The following GRIA2 variants were observed in gnomAD, a reference collection of about 807,000 sequenced individuals.
The protein encoded by GRIA2 is glutamate ionotropic receptor AMPA type subunit 2.
GRIA2 carries 14 observed loss-of-function variants against 97.3 expected under a neutral mutation model. The observed-to-expected ratio is 0.14, with a 90% CI of 0.10 to 0.23. The LOEUF is 0.23. Among genes scored for constraint, GRIA2 ranks in the 10% least tolerant of loss-of-function variants. GRIA2 has a pLI of 1.00. For missense variants in GRIA2, 558 were observed against 1,069.8 expected (o/e 0.52, Z 6.67); for synonymous variants, 412 against 387.8 (o/e 1.06, Z -0.73).
Position 157,312,727 on chromosome 4 carries a change from G to T in GRIA2, c.518G>T (p.Trp173Leu). 1 of 1,611,024 alleles carries T rather than the reference G, an allele frequency of 6.2e-7. No individual in the cohort carries two copies. Among genetic ancestry groups the T allele is most frequent in the Non-Finnish European group, 8.5e-7 (1 of 1,177,900 alleles). ...CTGGATTCTGCTGCTGAAAAGAAATGGCAAGTGACTGCTATCAATGTGGGA... is the reference window on the plus strand; with the variant it reads ...CTGGATTCTGCTGCTGAAAAGAAATTGCAAGTGACTGCTATCAATGTGGGA... ...AVLDSAAEKK[W>L]QVTAINVGNI... is the part of the protein sequence containing the mutation. The change falls in exon 4 of 16, where the codon TGG (tryptophan) becomes TTG (leucine). Residue 173 changes from tryptophan to leucine, a missense_variant. Physicochemically the swap from Trp to Leu is moderately conservative, Grantham distance 61. Coordinates refer to ENST00000264426, the MANE Select transcript of GRIA2 (RefSeq NM_001083619.3).
In GRIA2 at chr4:157,312,719, A is replaced by G; in HGVS notation, c.510A>G (p.Glu170=). 1 of 1,611,712 alleles carries G rather than the reference A, an allele frequency of 6.2e-7. No homozygotes were observed. Among genetic ancestry groups the G allele is most frequent in the African/African-American group, 1.3e-5 (1 of 74,936 alleles). The change falls in exon 4 of 16, where the codon GAA becomes GAG. Residue 170 remains glutamate, a synonymous_variant. Coordinates refer to ENST00000264426, the MANE Select transcript of GRIA2 (RefSeq NM_001083619.3). ...AAGCTGTGCTGGATTCTGCTGCTGAAAAGAAATGGCAAGTGACTGCTATCA... is the reference window on the plus strand; with the variant it reads ...AAGCTGTGCTGGATTCTGCTGCTGAGAAGAAATGGCAAGTGACTGCTATCA... ...TLQAVLDSAA[E]KKWQVTAINV...
At chr4:157,349,550 G>A (rs978639404) in intron 12 of GRIA2, among the ~76,000 whole-genome samples, 2 of 143,908 alleles carry the variant, frequency 1.4e-5, no homozygotes, top group Non-Finnish European at 3.0e-5. Flanking sequence ...TAGCTTGGCA[G>A]TGGGACATAT....
rs139558102 is a variant in GRIA2 at position 157,263,451 on chromosome 4, C to T, written c.230-40101C>T. Among the ~76,000 whole-genome samples the T allele has an allele frequency of 3.1e-3, 478 of 152,010 alleles. 2 individuals carry two copies. Among genetic ancestry groups the T allele is most frequent in the African/African-American group, 0.011 (466 of 41,492 alleles). Reference sequence around the variant, plus strand: ...CGAAAACAGTATACCAAAAAATCCACCTAAACATTCTTGTTGCTGTTTAAG... The same window carrying T: ...CGAAAACAGTATACCAAAAAATCCATCTAAACATTCTTGTTGCTGTTTAAG... On this transcript the variant is annotated intron_variant, in intron 2 of 15. Coordinates refer to ENST00000264426, the MANE Select transcript of GRIA2 (RefSeq NM_001083619.3).
intron 2 of GRIA2, among the ~76,000 whole-genome samples, chr4:157,226,162 A>G (rs1729735448): frequency 6.6e-6 from 1 of 152,086 alleles, no homozygotes; most frequent in South Asian, 2.1e-4. Context: ...TCAATTCCAT[A>G]CAACAAAATA....
chr4:157,359,842 G>A, intron 12 of GRIA2, 54 bp from the exon 13 acceptor site: 1 of 1,530,466 alleles, frequency 6.5e-7, no homozygotes, highest in Non-Finnish European at 8.9e-7. Flanking sequence ...TGTTTTGTGA[G>A]TAATTTTTTA....
At chr4:157,253,064 T>A in intron 2 of GRIA2, among the ~76,000 whole-genome samples, 1 of 152,128 alleles carries the variant, frequency 6.6e-6, no homozygotes, top group Admixed American at 6.6e-5. Flanking sequence ...ATTGTGGTGT[T>A]TATTACTATT....
intron 3 of GRIA2, among the ~76,000 whole-genome samples, chr4:157,304,154 A>G (rs1032941320): frequency 7.9e-5 from 12 of 152,232 alleles, no homozygotes; most frequent in Non-Finnish European, 1.6e-4. Flanking sequence ...TGAAACAGAC[A>G]GTAACATACA....
intron 11 of GRIA2, among the ~76,000 whole-genome samples, chr4:157,338,507 G>C (rs1735405580): frequency 6.6e-6 from 1 of 151,938 alleles, no homozygotes; most frequent in African/African-American, 2.4e-5. Context: ...TCAGCAATCT[G>C]TATTATCCCA....
chr4:157,220,647 T>G, upstream of GRIA2: 1 of 49,578 alleles, frequency 2.0e-5, no homozygotes, highest in Admixed American at 3.1e-4. Flanking sequence ...TGTGTGCGTG[T>G]GTGTATGTGT....
In GRIA2 at chr4:157,362,941, A is replaced by G; in HGVS notation, c.2549A>G (p.Lys850Arg). 3.1e-6 allele frequency: 5 copies of G among 1,613,632 alleles called. No individual in the cohort carries two copies. The African/African-American group carries it at 6.7e-5, about 22-fold the overall frequency. The change falls in exon 15 of 16, where the codon AAG (lysine) becomes AGG (arginine). Residue 850 changes from lysine (K) to arginine (R), a missense_variant. By Grantham distance (26) the Lys-to-Arg change is conservative (BLOSUM62 2). This residue lies in a region of GRIA2 where 54 missense variants were observed against 82.1 expected (regional missense o/e 0.66). Coordinates refer to ENST00000264426, the MANE Select transcript of GRIA2 (RefSeq NM_001083619.3). Reference protein sequence around the residue: ...RAEAKRMKVAKNAQNINPSSS... With the variant: ...RAEAKRMKVARNAQNINPSSS... ...GAGGCGAAACGAATGAAGGTGGCAA[A>G]GAATGCACAGAATATTAACCCATCT...
intron 2 of GRIA2, among the ~76,000 whole-genome samples, chr4:157,254,088 T>A (rs1363934179): frequency 2.0e-5 from 3 of 152,088 alleles, no homozygotes; most frequent in African/African-American, 7.2e-5. Flanking sequence ...AATGCTCTTT[T>A]TTCTGTCTAG....
At chr4:157,229,809 T>C (rs1408962111) in intron 2 of GRIA2, among the ~76,000 whole-genome samples, 1 of 152,126 alleles carries the variant, frequency 6.6e-6, no homozygotes, top group Admixed American at 6.5e-5. Context: ...TCATGTAAAA[T>C]TGATTTCACA....
chr4:157,231,695 A>G (rs1270009431), intron 2 of GRIA2, among the ~76,000 whole-genome samples: 1 of 152,208 alleles, frequency 6.6e-6, no homozygotes, highest in East Asian at 1.9e-4. Flanking sequence ...TGCTTGAGGT[A>G]ACTGAAATGT....
intron 12 of GRIA2, among the ~76,000 whole-genome samples, chr4:157,357,768 G>A (rs576359783): frequency 2.6e-5 from 4 of 152,132 alleles, no homozygotes; most frequent in Admixed American, 6.5e-5. Context: ...CAGCTGAGAC[G>A]AAAGTAGCTA....
chr4:157,329,522 T>A (rs1734956280), intron 6 of GRIA2, among the ~76,000 whole-genome samples: 1 of 151,904 alleles, frequency 6.6e-6, no homozygotes, highest in Non-Finnish European at 1.5e-5. Flanking sequence ...ACAGTTAAAC[T>A]GTTATTGCGG....
Position 157,315,510 on chromosome 4 carries a change from T to G in GRIA2, c.667-2148T>G, listed in dbSNP as rs57935793. On this transcript the variant is annotated intron_variant, in intron 4 of 15. Coordinates refer to ENST00000264426, the MANE Select transcript of GRIA2 (RefSeq NM_001083619.3). ...AAATTAAATTTTATTAGGCTATGGG[T>G]TTTTTTTTGTTTGTTTGTTTGTTTT... 4.1e-3 allele frequency among the ~76,000 whole-genome samples: 554 copies of G among 136,518 alleles called. 4 individuals carry two copies. Among genetic ancestry groups the G allele is most frequent in the African/African-American group, 0.016 (511 of 32,816 alleles). 89.6% of individuals were successfully genotyped at this position (136,518 alleles called of 152,430 possible).
At chr4:157,280,307 G>A (rs1732537344) in intron 2 of GRIA2, among the ~76,000 whole-genome samples, 1 of 152,092 alleles carries the variant, frequency 6.6e-6, no homozygotes, top group East Asian at 1.9e-4. Context: ...AAGTGAGCTT[G>A]TTGAAATCCC....
upstream of GRIA2, chr4:157,220,372 T>TC (rs1264051683): frequency 6.6e-6 from 1 of 152,126 alleles, no homozygotes; most frequent in Admixed American, 6.5e-5. Flanking sequence ...CGAAGGTAGC[T>TC]CCGGGCGGGG....
At chr4:157,355,750 T>G (rs868715751) in intron 12 of GRIA2, among the ~76,000 whole-genome samples, 33 of 45,150 alleles carry the variant, frequency 7.3e-4, no homozygotes, top group Admixed American at 2.8e-3. Context: ...ATTTATATAT[T>G]TACATATATT....
Sources: gnomAD v4.1 joint callset for allele counts (sites outside exome capture counted in the v4.1 genomes callset) on GRCh38, gnomAD v4.1.1 for gene constraint, gnomAD v4.1.1 regional missense constraint, MANE v1.5 for transcripts, NCBI Gene and HGNC (gene_info 2026-07-23, HGNC 2026-07-21) for gene names.